Variants in EXOSC4 observed in about 807,000 individuals in gnomAD.
EXOSC4 encodes exosome complex component RRP41.
Under a neutral mutation model 20.0 loss-of-function variants are expected in EXOSC4, and 14 were observed. The observed-to-expected ratio is 0.70, with a 90% CI of 0.46 to 1.09. The LOEUF is 1.09. Ranked by LOEUF, EXOSC4 falls within the 50% of genes least tolerant of loss-of-function variation. The pLI, the probability that EXOSC4 is intolerant of heterozygous loss-of-function variation, is 0.00. For missense variants in EXOSC4, 337 were observed against 334.0 expected (o/e 1.01, Z -0.07); for synonymous variants, 148 against 146.4 (o/e 1.01, Z -0.08).
At chr8:144,065,173 GCA>G in the EXOSC4 span, among the ~76,000 whole-genome samples, 1 of 152,098 alleles carries the variant, frequency 6.6e-6, no homozygotes, top group Non-Finnish European at 1.5e-5. Flanking sequence ...GGACACTTCT[GCA>G]CAGTTACTTT....
chr8:144,073,364 C>G, the EXOSC4 span, among the ~76,000 whole-genome samples: 15 of 151,846 alleles, frequency 9.9e-5, no homozygotes, highest in African/African-American at 3.6e-4. Context: ...CCAGCCTGGG[C>G]GACAGAATGA....
upstream of EXOSC4, among the ~76,000 whole-genome samples, chr8:144,073,758 T>C (rs1835811676): frequency 6.6e-6 from 1 of 151,338 alleles, no homozygotes; most frequent in South Asian, 2.1e-4. Context: ...GGCTGAGACA[T>C]GAGAATCGCT....
chr8:144,080,361 C>T lies in EXOSC4; in HGVS notation c.498C>T (p.Asp166=), dbSNP rs148476615. ...FVCACSAGFV[D]GTALADLSHV... is the part of the protein sequence containing the mutation. ...GTGCGTGCTCAGCTGGCTTCGTGGACGGCACAGCCCTGGCGGACCTCAGCC... is the reference window on the plus strand; with the variant it reads ...GTGCGTGCTCAGCTGGCTTCGTGGATGGCACAGCCCTGGCGGACCTCAGCC... Residue 166 remains aspartate, a synonymous_variant, in exon 3 of 3, where the codon GAC becomes GAT. Transcript: ENST00000316052. This position sits in a 1 kb window ranked among gnomAD's most constrained non-coding sequence, Gnocchi z 4.9. 451 of 1,612,952 alleles carry T rather than the reference C, an allele frequency of 2.8e-4. No homozygotes were observed. In the African/African-American group the frequency reaches 5.1e-3, roughly 18 times the overall value.
At chr8:144,072,381 A>C in the EXOSC4 span, among the ~76,000 whole-genome samples, 1 of 152,162 alleles carries the variant, frequency 6.6e-6, no homozygotes. Flanking sequence ...GGATTTCACC[A>C]TGGTGGCCAG....
At chr8:144,078,409 G>A (rs1468048150), upstream of EXOSC4, 2 of 236,976 alleles carry the variant, frequency 8.4e-6, no homozygotes, top group African/African-American at 2.3e-5. The surrounding 1 kb of genome is among the most constrained non-coding windows in gnomAD (Gnocchi z 4.7). Context: ...GGGAACGGCT[G>A]CGGGCCCAGC....
the EXOSC4 span, among the ~76,000 whole-genome samples, chr8:144,068,280 C>T: frequency 2.0e-5 from 3 of 152,336 alleles, no homozygotes; most frequent in South Asian, 6.2e-4. Flanking sequence ...CATGAAGTGT[C>T]TGTTTTTGAC....
At position 144,078,974 on chromosome 8, in the gene EXOSC4, G is replaced by C; in HGVS notation, c.171+75G>C. The C allele has an allele frequency of 5.9e-6, 8 of 1,360,680 alleles. No homozygotes were observed. In the South Asian group the frequency reaches 1.2e-4, roughly 20 times the overall value. 84.3% of individuals were successfully genotyped at this position (1,360,680 alleles called of 1,614,324 possible). A position where few individuals can be genotyped will look rare whatever the true frequency, so the allele number is the denominator to read the frequency against. On this transcript the variant is annotated intron_variant, in intron 1 of 2. Transcript: ENST00000316052. This position sits in a 1 kb window ranked among gnomAD's most constrained non-coding sequence, Gnocchi z 4.7. ...GCAGCCGGGCTGAGCGCTGGCTCGG[G>C]GACTTGAGGGGCAACGGCCGGCGCG...
Position 144,079,969 on chromosome 8 carries a change from G to A in EXOSC4, c.198G>A (p.Leu66=). The change falls in exon 2 of 3, where the codon CTG becomes CTA. Residue 66 remains leucine, a synonymous_variant. Transcript: ENST00000316052. ...TCCGGGGCTCCCGGGCTCGAGCCCTGCCGGACAGGGCCCTAGTGAACTGTC... is the reference window on the plus strand; with the variant it reads ...TCCGGGGCTCCCGGGCTCGAGCCCTACCGGACAGGGCCCTAGTGAACTGTC... ...HEIRGSRARA[L]PDRALVNCQY... 1 of 1,613,026 alleles carries A rather than the reference G, an allele frequency of 6.2e-7. No homozygotes were observed. Among genetic ancestry groups the A allele is most frequent in the Non-Finnish European group, 8.5e-7 (1 of 1,179,052 alleles).
At chr8:144,079,514 T>C (rs140466314) in intron 1 of EXOSC4, 12 of 356,860 alleles carry the variant, frequency 3.4e-5, no homozygotes, top group East Asian at 1.5e-4. Flanking sequence ...AAGGCACTTA[T>C]GCAGAGCAGA....
rs1554763352 is a variant in EXOSC4 at position 144,080,515 on chromosome 8, G to A, written c.652G>A (p.Ala218Thr). ...CCTGGAGCGGGTGTTGGAGGCTGCT[G>A]CCCAGGCTGCCCGAGATGTGCACAC... Reference protein sequence around the residue: ...DHLERVLEAAAQAARDVHTLL... With the variant: ...DHLERVLEAATQAARDVHTLL... Residue 218 changes from alanine to threonine, a missense_variant, in exon 3 of 3, where the codon GCC becomes ACC. By Grantham distance (58) the Ala-to-Thr change is moderately conservative (BLOSUM62 0). Coordinates refer to ENST00000316052, the MANE Select transcript of EXOSC4 (RefSeq NM_019037.3). This position sits in a 1 kb window ranked among gnomAD's most constrained non-coding sequence, Gnocchi z 4.9. 3 of 1,604,278 alleles carry A rather than the reference G, an allele frequency of 1.9e-6. No homozygotes were observed. Among genetic ancestry groups the A allele is most frequent in the South Asian group, 2.2e-5 (2 of 91,084 alleles).
chr8:144,072,974 G>C, the EXOSC4 span, among the ~76,000 whole-genome samples: 1 of 152,248 alleles, frequency 6.6e-6, no homozygotes. Flanking sequence ...TGCAGGCAAA[G>C]ATGTCAAAGC....
the EXOSC4 span, among the ~76,000 whole-genome samples, chr8:144,069,321 C>A: frequency 6.6e-6 from 1 of 152,232 alleles, no homozygotes; most frequent in Non-Finnish European, 1.5e-5. Context: ...ATCTTACAGT[C>A]CCGGAGACCA....
At chr8:144,073,941 G>A (rs1424556420), upstream of EXOSC4, among the ~76,000 whole-genome samples, 2 of 152,042 alleles carry the variant, frequency 1.3e-5, no homozygotes, top group Non-Finnish European at 1.5e-5. Flanking sequence ...CCAAACCCTT[G>A]TCAGCCCAAC....
chr8:144,073,575 G>T, the EXOSC4 span, among the ~76,000 whole-genome samples: 2 of 151,592 alleles, frequency 1.3e-5, no homozygotes, highest in African/African-American at 2.4e-5. Context: ...ACGACCGGCC[G>T]GGTGTGGTGG....
chr8:144,068,490 C>A, the EXOSC4 span, among the ~76,000 whole-genome samples: 75 of 152,384 alleles, frequency 4.9e-4, no homozygotes, highest in African/African-American at 1.5e-3. Context: ...GCTGTGGAAT[C>A]TGACTGGCCT....
chr8:144,065,737 CTACAA>C, the EXOSC4 span, among the ~76,000 whole-genome samples: 1 of 151,778 alleles, frequency 6.6e-6, no homozygotes, highest in African/African-American at 2.4e-5. Flanking sequence ...TCTGTCTCAA[CTACAA>C]TAAAATAATT....
upstream of EXOSC4, among the ~76,000 whole-genome samples, chr8:144,077,053 A>G (rs1460301337): frequency 9.5e-5 from 14 of 146,896 alleles, no homozygotes; most frequent in Non-Finnish European, 2.1e-4. Context: ...CCTGGGTGAC[A>G]GTGAGACTCC....
At chr8:144,074,601 G>T (rs1331582296), upstream of EXOSC4, among the ~76,000 whole-genome samples, 7 of 152,044 alleles carry the variant, frequency 4.6e-5, no homozygotes, top group African/African-American at 1.7e-4. Flanking sequence ...AGACAGCCTG[G>T]CTCTGTGGTA....
upstream of EXOSC4, among the ~76,000 whole-genome samples, chr8:144,077,191 G>A (rs879972221): frequency 4.6e-5 from 7 of 152,270 alleles, no homozygotes; most frequent in Admixed American, 3.3e-4. Context: ...GGTGCAGTGC[G>A]CTGACATTGT....
Sources: allele counts gnomAD v4.1 joint callset (sites outside exome capture counted in the v4.1 genomes callset), GRCh38; gene constraint gnomAD v4.1.1; non-coding constraint Gnocchi (gnomAD v3.1); transcripts MANE v1.5; gene names NCBI Gene and HGNC (gene_info 2026-07-23, HGNC 2026-07-21).